Variants in ZCCHC7 observed in about 807,000 individuals in gnomAD.
ZCCHC7 encodes the protein zinc finger CCHC-type containing 7, also known as zinc finger CCHC domain-containing protein 7.
In ZCCHC7, 35 loss-of-function variants were observed where a neutral mutation model predicts 52.0. That is an observed-to-expected ratio of 0.67 (90% CI 0.51 to 0.89). ZCCHC7 has a LOEUF of 0.89. Ranked by LOEUF, ZCCHC7 falls within the 40% of genes least tolerant of loss-of-function variation. The probability of loss-of-function intolerance (pLI) is 0.00; values close to 1 mark genes in which losing one functional copy is unlikely to be tolerated. For missense variants in ZCCHC7, 574 were observed against 649.1 expected (o/e 0.88, Z 1.26); for synonymous variants, 217 against 221.5 (o/e 0.98, Z 0.18).
chr9:37,199,663 TCTGTCTTTC>T (rs1823504604), intron 2 of ZCCHC7, among the ~76,000 whole-genome samples: 3 of 130,008 alleles, frequency 2.3e-5, no homozygotes, highest in African/African-American at 5.7e-5. Flanking sequence ...TGTCTGTCTG[TCTGTCTTTC>T]TCTCTGTCTG....
At chr9:37,210,152 C>G (rs953205254) in intron 2 of ZCCHC7, among the ~76,000 whole-genome samples, 2 of 152,156 alleles carry the variant, frequency 1.3e-5, no homozygotes, top group African/African-American at 4.8e-5. Flanking sequence ...TGGCTCTCAT[C>G]TCCCTGGCTT....
intron 2 of ZCCHC7, chr9:37,284,177 AAG>A (rs968947160): frequency 1.3e-5 from 2 of 151,898 alleles, no homozygotes; most frequent in African/African-American, 2.4e-5. Context: ...ACCAAAAAAA[AAG>A]AGAGAGAGAG....
At chr9:37,174,904 A>C (rs998215289) in intron 2 of ZCCHC7, among the ~76,000 whole-genome samples, 4 of 152,062 alleles carry the variant, frequency 2.6e-5, no homozygotes, top group Non-Finnish European at 4.4e-5. Context: ...TGGGAGGCCG[A>C]GGCAGGCAGA....
chr9:37,279,457 T>C (rs988488166), intron 2 of ZCCHC7, among the ~76,000 whole-genome samples: 28 of 150,982 alleles, frequency 1.9e-4, no homozygotes, highest in South Asian at 2.1e-4. Context: ...TAAAATGCAA[T>C]AGAGAAATTA....
Position 37,327,841 on chromosome 9 carries a change from A to G in ZCCHC7, c.987+7A>G. On this transcript the variant is annotated splice_region_variant and intron_variant, in intron 6 of 8. Coordinates refer to ENST00000336755, the MANE Select transcript of ZCCHC7 (RefSeq NM_032226.3). ...GAGGCAGTATCACCTAACGGTGAGT[A>G]GAAACACCTTTTTTATTTTCCCCAA... 1 of 1,612,916 alleles carries G rather than the reference A, an allele frequency of 6.2e-7. No individual in the cohort carries two copies. Among genetic ancestry groups the G allele is most frequent in the East Asian group, 2.2e-5 (1 of 44,824 alleles).
intron 2 of ZCCHC7, among the ~76,000 whole-genome samples, chr9:37,213,055 T>C (rs1200202606): frequency 1.3e-5 from 2 of 152,158 alleles, no homozygotes; most frequent in East Asian, 3.8e-4. Context: ...CTGTTTTCTG[T>C]TTTTTAAAAC....
intron 2 of ZCCHC7, among the ~76,000 whole-genome samples, chr9:37,261,131 C>G (rs1033875266): frequency 1.3e-5 from 2 of 152,066 alleles, no homozygotes; most frequent in Non-Finnish European, 2.9e-5. Flanking sequence ...CCCCCTTAAT[C>G]TTGTAATCTT....
chr9:37,170,611 A>C (rs890762772), intron 2 of ZCCHC7, among the ~76,000 whole-genome samples: 5 of 152,202 alleles, frequency 3.3e-5, no homozygotes, highest in Non-Finnish European at 5.9e-5. Context: ...TCATGAAAAC[A>C]TGCCAATGAA....
intron 1 of ZCCHC7, among the ~76,000 whole-genome samples, chr9:37,121,145 C>T (rs1477016944): frequency 1.3e-5 from 2 of 152,086 alleles, no homozygotes; most frequent in African/African-American, 2.4e-5. Flanking sequence ...ACTAAGGCGC[C>T]CTTTATCCCT....
intron 2 of ZCCHC7, among the ~76,000 whole-genome samples, chr9:37,253,787 T>C (rs1826444284): frequency 6.6e-6 from 1 of 152,004 alleles, no homozygotes; most frequent in East Asian, 1.9e-4. Flanking sequence ...TTCACAAGTA[T>C]AGATATGAAT....
chr9:37,231,955 A>G (rs1290277864), intron 2 of ZCCHC7, among the ~76,000 whole-genome samples: 1 of 152,228 alleles, frequency 6.6e-6, no homozygotes, highest in Non-Finnish European at 1.5e-5. Context: ...ATTCTAAAAT[A>G]TAATCCTGGA....
At chr9:37,224,664 T>A (rs1825002839) in intron 2 of ZCCHC7, among the ~76,000 whole-genome samples, 1 of 152,188 alleles carries the variant, frequency 6.6e-6, no homozygotes, top group African/African-American at 2.4e-5. Context: ...GGCATCACAC[T>A]ACATTGAAGA....
chr9:37,320,704 A>T (rs1830014719), intron 5 of ZCCHC7, among the ~76,000 whole-genome samples: 1 of 152,244 alleles, frequency 6.6e-6, no homozygotes, highest in Non-Finnish European at 1.5e-5. Context: ...GGAATTATAA[A>T]AAAAGGTATT....
At chr9:37,318,218 A>G (rs1035776912) in intron 5 of ZCCHC7, among the ~76,000 whole-genome samples, 10 of 152,004 alleles carry the variant, frequency 6.6e-5, no homozygotes, top group African/African-American at 2.4e-4. Context: ...CGAAAATGAT[A>G]TAAAAGGCCG....
At chr9:37,205,278 A>C (rs1344982190) in intron 2 of ZCCHC7, 1 of 253,222 alleles carries the variant, frequency 3.9e-6, no homozygotes, top group Non-Finnish European at 7.8e-6. Context: ...AACAGTACCT[A>C]TTCCCTTGAT....
intron 2 of ZCCHC7, among the ~76,000 whole-genome samples, chr9:37,177,530 T>C (rs1445629784): frequency 6.6e-6 from 1 of 152,082 alleles, no homozygotes; most frequent in African/African-American, 2.4e-5. Context: ...TGTGAAAAAC[T>C]ATCACTTTCA....
At chr9:37,332,061 A>G (rs1830470400) in intron 6 of ZCCHC7, among the ~76,000 whole-genome samples, 1 of 151,630 alleles carries the variant, frequency 6.6e-6, no homozygotes, top group Non-Finnish European at 1.5e-5. Flanking sequence ...AGAACCAGAA[A>G]TACTCTTGTA....
intron 1 of ZCCHC7, among the ~76,000 whole-genome samples, chr9:37,125,071 C>A (rs1339681179): frequency 1.3e-5 from 2 of 152,182 alleles, no homozygotes; most frequent in African/African-American, 4.8e-5. Context: ...AGGCTGGTCT[C>A]GAACTCCTGA....
At chr9:37,356,796 T>G in intron 8 of ZCCHC7, 39 bp from the exon 9 acceptor site, 1 of 1,539,396 alleles carries the variant, frequency 6.5e-7, no homozygotes, top group Non-Finnish European at 8.7e-7. Flanking sequence ...ATGGACTGTT[T>G]AGCTGCTGAA....
Sources: gnomAD v4.1 joint callset for allele counts (sites outside exome capture counted in the v4.1 genomes callset) on GRCh38, gnomAD v4.1.1 for gene constraint, MANE v1.5 for transcripts, NCBI Gene and HGNC (gene_info 2026-07-23, HGNC 2026-07-21) for gene names.